Variants in RABIF observed in about 807,000 individuals in gnomAD.
The protein encoded by RABIF is RAB interacting factor.
RABIF carries 13 observed loss-of-function variants against 12.3 expected under a neutral mutation model. That is an observed-to-expected ratio of 1.06 (90% CI 0.69 to 1.68). The LOEUF is 1.68. RABIF is among the 40% of genes most tolerant of loss of function. The pLI is 0.00. For synonymous variants in RABIF, 70 were observed against 63.3 expected, an observed-to-expected ratio of 1.11 and a Z score of -0.50; for missense variants, 153 against 158.0, an observed-to-expected ratio of 0.97 and a Z score of 0.17.
intron 1 of RABIF, 144 bp downstream of exon 1, chr1:202,888,829 G>A (rs1659604710): frequency 1.7e-6 from 2 of 1,173,648 alleles, no homozygotes; most frequent in East Asian, 6.3e-5. Context: ...GAGCCTCGCC[G>A]AGCTGAGGCC....
rs2102395139 is a variant in RABIF at position 202,880,779 on chromosome 1, G to T, written c.*199C>A. 11 of 1,342,862 alleles carry T rather than the reference G, an allele frequency of 8.2e-6. No individual in the cohort carries two copies. Among genetic ancestry groups the T allele is most frequent in the Non-Finnish European group, 1.1e-5 (11 of 1,045,380 alleles). 83.2% of individuals were successfully genotyped at this position (1,342,862 alleles called of 1,614,324 possible). A position where few individuals can be genotyped will look rare whatever the true frequency, so the allele number is the denominator to read the frequency against. ...GGGAGCTTAGGAAATGTGATACAAA[G>T]TGAACTAAGCAGGAGGCATGTACTT... On this transcript the variant is annotated 3_prime_UTR_variant, in exon 2 of 2. Coordinates refer to ENST00000367262, the MANE Select transcript of RABIF (RefSeq NM_002871.5).
intron 1 of RABIF, among the ~76,000 whole-genome samples, chr1:202,883,747 C>T (rs1659522459): frequency 6.6e-6 from 1 of 152,166 alleles, no homozygotes; most frequent in Admixed American, 6.5e-5. Flanking sequence ...GTTGTCTCTC[C>T]TTTGATTTGT....
intron 1 of RABIF, among the ~76,000 whole-genome samples, chr1:202,882,709 G>A (rs1195115698): frequency 6.6e-6 from 1 of 151,596 alleles, no homozygotes; most frequent in Non-Finnish European, 1.5e-5. Flanking sequence ...TGAAATTATC[G>A]TATTAATTTA....
chr1:202,883,796 G>T (rs1369409838), intron 1 of RABIF, among the ~76,000 whole-genome samples: 1 of 152,072 alleles, frequency 6.6e-6, no homozygotes, highest in African/African-American at 2.4e-5. Context: ...TCCATTCAAG[G>T]CATCATATTG....
chr1:202,886,192 A>G (rs569474030), intron 1 of RABIF, among the ~76,000 whole-genome samples: 2 of 142,484 alleles, frequency 1.4e-5, no homozygotes, highest in East Asian at 4.4e-4. Context: ...ACTGGTTGGA[A>G]GCTGCAGTGA....
rs373688472 is a variant in RABIF at position 202,881,155 on chromosome 1, G to A, written c.195C>T (p.Leu65=). 2.0e-5 allele frequency: 32 copies of A among 1,614,072 alleles called. No homozygotes were observed. The highest frequency in any genetic ancestry group is 2.5e-5 in the Non-Finnish European group (30 of 1,180,054). The change falls in exon 2 of 2, where the codon CTC becomes CTT. Residue 65 remains leucine, a synonymous_variant. Coordinates refer to ENST00000367262, the MANE Select transcript of RABIF (RefSeq NM_002871.5). ...TGTCCTCAACCAGCCAGTGTTCCTGGAGGAGATCGCCGTCAGGATTGCTGC... is the reference window on the plus strand; with the variant it reads ...TGTCCTCAACCAGCCAGTGTTCCTGAAGGAGATCGCCGTCAGGATTGCTGC... ...SDGSNPDGDL[L]QEHWLVEDMF...
chr1:202,881,643 G>A (rs775612138), intron 1 of RABIF, among the ~76,000 whole-genome samples: 1 of 152,148 alleles, frequency 6.6e-6, no homozygotes, highest in Non-Finnish European at 1.5e-5. Flanking sequence ...TCTTGACCTC[G>A]TGATCTGCCT....
intron 1 of RABIF, among the ~76,000 whole-genome samples, chr1:202,888,259 A>T: frequency 6.6e-6 from 1 of 152,142 alleles, no homozygotes. Flanking sequence ...ACTTGCGATG[A>T]TGGTGGTAGG....
intron 1 of RABIF, among the ~76,000 whole-genome samples, chr1:202,885,086 C>CAAAAAAAAA (rs113531957): frequency 3.7e-4 from 45 of 120,592 alleles, no homozygotes; most frequent in African/African-American, 5.2e-4. Context: ...GACTCTATCT[C>CAAAAAAAAA]AAAAAAAAAA....
chr1:202,886,943 A>G (rs1659571157), intron 1 of RABIF, among the ~76,000 whole-genome samples: 1 of 151,514 alleles, frequency 6.6e-6, no homozygotes, highest in South Asian at 2.1e-4. Flanking sequence ...CATGTCGGCC[A>G]GGCAGTTGTT....
At position 202,881,182 on chromosome 1, in the gene RABIF, G is replaced by A. The variant is rs186655403; in HGVS notation, c.168C>T (p.Asp56=). Reference sequence around the variant, plus strand: ...GGAGATCGCCGTCAGGATTGCTGCCGTCAGACAGAGCTGGCTTCTTTCTCA... The same window carrying A: ...GGAGATCGCCGTCAGGATTGCTGCCATCAGACAGAGCTGGCTTCTTTCTCA... The part of the protein sequence containing the change: ...PSMRKKPALS[D]GSNPDGDLLQ... The change falls in exon 2 of 2, where the codon GAC becomes GAT. Residue 56 remains aspartate, a synonymous_variant. Transcript: ENST00000367262. 69 of 1,614,112 alleles carry A rather than the reference G, an allele frequency of 4.3e-5. No homozygotes were observed. The African/African-American group carries it at 6.4e-4, about 15-fold the overall frequency.
chr1:202,888,918 G>C (rs1659607360), intron 1 of RABIF, 55 bp downstream of exon 1: 1 of 1,459,826 alleles, frequency 6.9e-7, no homozygotes, highest in African/African-American at 1.4e-5. Flanking sequence ...TTCTGACTGC[G>C]GCGGCTCGTC....
rs890435243 is a variant in RABIF, at chr1:202,878,830, C to T, written c.*2148G>A. 3 of 152,196 alleles carry T rather than the reference C, an allele frequency of 2.0e-5. No homozygotes were observed. The highest frequency in any genetic ancestry group is 7.2e-5 in the African/African-American group (3 of 41,452). 9.4% of individuals were successfully genotyped at this position (152,196 alleles called of 1,614,324 possible). A position where few individuals can be genotyped will look rare whatever the true frequency, so the allele number is the denominator to read the frequency against. On this transcript the variant is annotated 3_prime_UTR_variant, in exon 2 of 2. Coordinates refer to ENST00000367262, the MANE Select transcript of RABIF (RefSeq NM_002871.5). ...AGGTGTGAGGGAAATGAAGAAATGA[C>T]GTTTGCATTTTATAGCTGACTAGAT... is the stretch of plus-strand genomic sequence containing the variant.
rs150095962 is a variant in RABIF, at chr1:202,884,692, G to A, written c.127-3469C>T. Among the ~76,000 whole-genome samples the A allele has an allele frequency of 1.9e-3, 285 of 152,214 alleles. No homozygotes were observed. In the Middle Eastern group the frequency reaches 0.02, roughly 11 times the overall value. On this transcript the variant is annotated intron_variant, in intron 1 of 1. Transcript: ENST00000367262. ...GAGCCCTCCCAGCCCACAGGCAGACGCGTGACGGAATGACCTTTCTGATTG... is the reference window on the plus strand; with the variant it reads ...GAGCCCTCCCAGCCCACAGGCAGACACGTGACGGAATGACCTTTCTGATTG...
At position 202,881,242 on chromosome 1, in the gene RABIF, TAAAG is replaced by T. The variant is rs776600728; in HGVS notation, c.127-23_127-20del. 2.5e-6 allele frequency: 4 copies of T among 1,603,666 alleles called. No homozygotes were observed. The highest frequency in any genetic ancestry group is 2.2e-5 in the East Asian group (1 of 44,720). ...GGAAAAGCTGCAGTGGGAAAGAACA[TAAAG>T]AACGCAGAAGTTGAACTGGCCCAGT... On this transcript the variant is annotated intron_variant, in intron 1 of 1. Coordinates refer to ENST00000367262, the MANE Select transcript of RABIF (RefSeq NM_002871.5).
chr1:202,887,814 A>C (rs907232593), intron 1 of RABIF, among the ~76,000 whole-genome samples: 1 of 152,034 alleles, frequency 6.6e-6, no homozygotes, highest in Non-Finnish European at 1.5e-5. Flanking sequence ...TAACTGTTTT[A>C]ATGTTAATGA....
intron 1 of RABIF, among the ~76,000 whole-genome samples, chr1:202,887,024 G>GTTTTTTTTTTTTT (rs61356068): frequency 1.1e-5 from 1 of 90,692 alleles, no homozygotes; most frequent in African/African-American, 4.0e-5. Context: ...TGTGGGCTAT[G>GTTTTTTTTTTTTT]TTTTGTTTTT....
In RABIF at chr1:202,879,428, T is replaced by C. The variant is rs1659455931; in HGVS notation, c.*1550A>G. 1.3e-5 allele frequency: 2 copies of C among 152,274 alleles called. No individual in the cohort carries two copies. Among genetic ancestry groups the C allele is most frequent in the African/African-American group, 4.8e-5 (2 of 41,480 alleles). The allele number at this position is 152,274 out of a possible 1,614,324, so 9.4% of individuals were successfully genotyped here. The stretch of plus-strand genomic sequence containing the variant: ...AAACTCAATTTAAAAAATGCTTAGC[T>C]TAGGTTCTGGCTTGTGATGTGAGGG... On this transcript the variant is annotated 3_prime_UTR_variant, in exon 2 of 2. Coordinates refer to ENST00000367262, the MANE Select transcript of RABIF (RefSeq NM_002871.5).
chr1:202,880,693 A>G lies in RABIF; in HGVS notation c.*285T>C. 5 of 1,148,710 alleles carry G rather than the reference A, an allele frequency of 4.4e-6. No homozygotes were observed. Among genetic ancestry groups the G allele is most frequent in the Non-Finnish European group, 5.4e-6 (5 of 929,428 alleles). The allele number at this position is 1,148,710 out of a possible 1,614,324, so 71.2% of individuals were successfully genotyped here. On this transcript the variant is annotated 3_prime_UTR_variant, in exon 2 of 2. Transcript: ENST00000367262. ...CCTGGGCAAAACAGAGCCTAGGGAG[A>G]ATGCCAGGGAAGAGATGAGATTTTT...
Sources: allele counts gnomAD v4.1 joint callset (sites outside exome capture counted in the v4.1 genomes callset), GRCh38; gene constraint gnomAD v4.1.1; transcripts MANE v1.5; gene names NCBI Gene and HGNC (gene_info 2026-07-23, HGNC 2026-07-21).